Variants in HDAC4 observed in about 807,000 individuals in gnomAD.
The protein encoded by HDAC4 is histone deacetylase 4.
In HDAC4, 16 loss-of-function variants were observed where a neutral mutation model predicts 135.1. The observed-to-expected ratio is 0.12, with a 90% CI of 0.08 to 0.18. The LOEUF (loss-of-function observed/expected upper bound fraction) is 0.18, where lower values mean the gene tolerates loss of function less well. HDAC4 is among the 10% of genes least tolerant of loss of function. The probability of loss-of-function intolerance (pLI) is 1.00; values close to 1 mark genes in which losing one functional copy is unlikely to be tolerated. For synonymous variants in HDAC4, 685 were observed against 653.4 expected, an observed-to-expected ratio of 1.05 and a Z score of -0.74; for missense variants, 1,143 against 1,511.8, an observed-to-expected ratio of 0.76 and a Z score of 4.05.
chr2:239,283,191 C>T (rs989036249), intron 2 of HDAC4, among the ~76,000 whole-genome samples: 7 of 152,266 alleles, frequency 4.6e-5, no homozygotes, highest in Non-Finnish European at 7.3e-5. Flanking sequence ...GAGGACACCA[C>T]GGGCCTGGCC....
At chr2:239,213,384 C>T (rs1358726855) in intron 3 of HDAC4, among the ~76,000 whole-genome samples, 1 of 152,182 alleles carries the variant, frequency 6.6e-6, no homozygotes, top group East Asian at 1.9e-4. Flanking sequence ...GTGCCCGCGC[C>T]CCTCATTCCC....
intron 6 of HDAC4, among the ~76,000 whole-genome samples, chr2:239,157,236 G>A (rs554855083): frequency 1.4e-4 from 22 of 152,340 alleles, no homozygotes; most frequent in Admixed American, 5.9e-4. Flanking sequence ...AAGAACAAAC[G>A]CTGTGATGTG....
intron 2 of HDAC4, among the ~76,000 whole-genome samples, chr2:239,267,893 A>G (rs541496617): frequency 2.0e-5 from 3 of 152,352 alleles, no homozygotes; most frequent in African/African-American, 7.2e-5. Flanking sequence ...AATTCTGCAC[A>G]TTCCAAACAG....
At position 239,115,477 on chromosome 2, in the gene HDAC4, A is replaced by G. The variant is rs1047574275; in HGVS notation, c.1534-167T>C. ...CAGGCACCTTTATCTCCCAACAGGC[A>G]CTGGGGTGCCTGAGTGCCTAAGAAA... is the stretch of plus-strand genomic sequence containing the variant. On this transcript the variant is annotated intron_variant, in intron 12 of 26. Transcript: ENST00000543185. The surrounding 1 kb of genome is among the most constrained non-coding windows in gnomAD (Gnocchi z 6.3). Among the ~76,000 whole-genome samples, 1 of 152,156 alleles carries G rather than the reference A, an allele frequency of 6.6e-6. No homozygotes were observed. Among genetic ancestry groups the G allele is most frequent in the African/African-American group, 2.4e-5 (1 of 41,454 alleles).
chr2:239,326,320 G>A (rs780725568), intron 2 of HDAC4, among the ~76,000 whole-genome samples: 28 of 152,286 alleles, frequency 1.8e-4, no homozygotes, highest in Middle Eastern at 6.8e-3. Flanking sequence ...AGTCAGATTC[G>A]CTGAGAAAGC....
intron 3 of HDAC4, among the ~76,000 whole-genome samples, chr2:239,219,418 T>C (rs1416143508): frequency 6.6e-6 from 1 of 151,102 alleles, no homozygotes; most frequent in African/African-American, 2.4e-5. Context: ...GAATTGAACA[T>C]TGAGAACACG....
intron 7 of HDAC4, among the ~76,000 whole-genome samples, chr2:239,145,499 C>T (rs1213837174): frequency 6.6e-6 from 1 of 152,248 alleles, no homozygotes; most frequent in African/African-American, 2.4e-5. Flanking sequence ...GGCGCGAGGC[C>T]CGCCTTGGGA....
chr2:239,154,951 G>A (rs993377140), intron 7 of HDAC4: 1 of 152,258 alleles, frequency 6.6e-6, no homozygotes, highest in Non-Finnish European at 1.5e-5. Flanking sequence ...CAGGGTTCTT[G>A]ACTTGGAGAG....
At chr2:239,290,729 T>C (rs937495595) in intron 2 of HDAC4, among the ~76,000 whole-genome samples, 4 of 151,966 alleles carry the variant, frequency 2.6e-5, no homozygotes, top group African/African-American at 7.3e-5. Flanking sequence ...CGCACTCACG[T>C]ACGCACACAC....
At chr2:239,180,549 G>A (rs1024319438) in intron 4 of HDAC4, among the ~76,000 whole-genome samples, 3 of 152,178 alleles carry the variant, frequency 2.0e-5, no homozygotes, top group African/African-American at 7.2e-5. Flanking sequence ...GATGTTAAAC[G>A]TAACATCAAC....
intron 3 of HDAC4, among the ~76,000 whole-genome samples, chr2:239,226,510 C>T (rs148415545): frequency 7.0e-4 from 107 of 152,172 alleles, no homozygotes; most frequent in African/African-American, 2.6e-3. Context: ...TTAGAAGCAC[C>T]CAGAGGATAT....
chr2:239,397,902 G>A (rs997753386), intron 1 of HDAC4, among the ~76,000 whole-genome samples: 3 of 152,126 alleles, frequency 2.0e-5, no homozygotes, highest in Admixed American at 2.0e-4. Flanking sequence ...CACACGGCAG[G>A]GCATATGCTG....
chr2:239,246,322 C>T (rs575192253), intron 2 of HDAC4, among the ~76,000 whole-genome samples: 51 of 152,348 alleles, frequency 3.3e-4, no homozygotes, highest in Non-Finnish European at 5.6e-4. Context: ...CTTCCCCTCC[C>T]CCGTCGGAGA....
chr2:239,195,573 T>C (rs2045326255), intron 3 of HDAC4, among the ~76,000 whole-genome samples: 1 of 152,214 alleles, frequency 6.6e-6, no homozygotes, highest in Admixed American at 6.5e-5. Flanking sequence ...GTGCTATTTC[T>C]GTATCAAAAA....
At chr2:239,132,694 T>C (rs1044002966) in intron 11 of HDAC4, among the ~76,000 whole-genome samples, 19 of 152,332 alleles carry the variant, frequency 1.2e-4, no homozygotes, top group African/African-American at 3.8e-4. Context: ...CCAGGTTCTA[T>C]CAAAAAGGCT....
At chr2:239,238,614 G>T (rs2048016695) in intron 2 of HDAC4, among the ~76,000 whole-genome samples, 1 of 152,158 alleles carries the variant, frequency 6.6e-6, no homozygotes, top group Non-Finnish European at 1.5e-5. Flanking sequence ...GCAGCGGTGG[G>T]GCCAGAGTCC....
chr2:239,374,796 T>G (rs988202489), intron 1 of HDAC4, among the ~76,000 whole-genome samples: 2 of 152,194 alleles, frequency 1.3e-5, no homozygotes, highest in Non-Finnish European at 2.9e-5. Context: ...ATCTCAAATT[T>G]CAGATAAAAT....
At chr2:239,330,379 G>A (rs1359661410) in intron 2 of HDAC4, among the ~76,000 whole-genome samples, 1 of 152,248 alleles carries the variant, frequency 6.6e-6, no homozygotes, top group Non-Finnish European at 1.5e-5. Flanking sequence ...CCAAAGGCCT[G>A]AGCAAGGGCC....
At chr2:239,298,741 A>G (rs1474727610) in intron 2 of HDAC4, 3 of 359,914 alleles carry the variant, frequency 8.3e-6, no homozygotes, top group Non-Finnish European at 1.2e-5. Context: ...GCATTTAATC[A>G]AACATTTTAG....
Sources: allele counts gnomAD v4.1 joint callset (sites outside exome capture counted in the v4.1 genomes callset), GRCh38; gene constraint gnomAD v4.1.1; non-coding constraint Gnocchi (gnomAD v3.1); transcripts MANE v1.5; gene names NCBI Gene and HGNC (gene_info 2026-07-23, HGNC 2026-07-21).